The following ADAM20 variants were observed in gnomAD, a reference collection of about 807,000 sequenced individuals.
ADAM20 encodes the protein disintegrin and metalloproteinase domain-containing protein 20.
For synonymous variants in ADAM20, 305 were observed against 310.2 expected (o/e 0.98, Z 0.18); for missense variants, 871 against 883.2 (o/e 0.99, Z 0.18).
chr14:70,547,623 C>T, the ADAM20 span, among the ~76,000 whole-genome samples: 2 of 32,582 alleles, frequency 6.1e-5, no homozygotes, highest in Non-Finnish European at 1.3e-4. Context: ...CACCACGAGA[C>T]TATATCCCAC....
chr14:70,557,132 A>C, the ADAM20 span: 1 of 151,956 alleles, frequency 6.6e-6, no homozygotes, highest in Non-Finnish European at 1.5e-5. Context: ...CATATAAACA[A>C]TTTCCAAGGT....
chr14:70,525,517 G>T (rs1052696786), intron 1 of ADAM20, among the ~76,000 whole-genome samples: 1 of 152,000 alleles, frequency 6.6e-6, no homozygotes, highest in Non-Finnish European at 1.5e-5. Flanking sequence ...CTGTCATACC[G>T]AGCAAAATTG....
At chr14:70,578,735 T>G in the ADAM20 span, among the ~76,000 whole-genome samples, 1 of 152,106 alleles carries the variant, frequency 6.6e-6, no homozygotes, top group East Asian at 1.9e-4. Context: ...ACATGGGGGT[T>G]TGATACAAGG....
the ADAM20 span, among the ~76,000 whole-genome samples, chr14:70,579,091 G>A: frequency 6.6e-6 from 1 of 152,106 alleles, no homozygotes; most frequent in Non-Finnish European, 1.5e-5. Context: ...CACTCTTGAT[G>A]GGCACCTTGA....
At chr14:70,544,375 T>C in the ADAM20 span, among the ~76,000 whole-genome samples, 1 of 152,180 alleles carries the variant, frequency 6.6e-6, no homozygotes, top group Admixed American at 6.5e-5. Flanking sequence ...AGAACATCCT[T>C]CTAAATGACC....
chr14:70,532,444 C>T (rs1439927432), intron 1 of ADAM20, among the ~76,000 whole-genome samples: 4 of 151,992 alleles, frequency 2.6e-5, no homozygotes, highest in Admixed American at 6.6e-5. Context: ...ACCAAAAGCA[C>T]GGGCAATAAA....
At chr14:70,562,203 T>A in the ADAM20 span, among the ~76,000 whole-genome samples, 1 of 152,240 alleles carries the variant, frequency 6.6e-6, no homozygotes, top group South Asian at 2.1e-4. Flanking sequence ...TGAGACATCA[T>A]GTCAAAAGAG....
chr14:70,543,671 C>T, the ADAM20 span, among the ~76,000 whole-genome samples: 1 of 152,146 alleles, frequency 6.6e-6, no homozygotes, highest in Non-Finnish European at 1.5e-5. Flanking sequence ...GCCTACTAAA[C>T]CTTTTTCAAA....
At chr14:70,557,546 A>G in the ADAM20 span, 3 of 144,282 alleles carry the variant, frequency 2.1e-5, no homozygotes, top group African/African-American at 7.3e-5. Context: ...ACTCAAGAAA[A>G]TGTCATTAGG....
At chr14:70,567,264 C>A in the ADAM20 span, among the ~76,000 whole-genome samples, 1 of 152,180 alleles carries the variant, frequency 6.6e-6, no homozygotes, top group Non-Finnish European at 1.5e-5. Flanking sequence ...ACCACCAGAA[C>A]CCTCACAAAT....
chr14:70,569,885 CAAA>C, the ADAM20 span, among the ~76,000 whole-genome samples: 164 of 76,176 alleles, frequency 2.2e-3, no homozygotes, highest in Middle Eastern at 0.013. Flanking sequence ...AGAAAACTAA[CAAA>C]AAAAAAAAAA....
chr14:70,560,917 A>T, the ADAM20 span, among the ~76,000 whole-genome samples: 1 of 152,198 alleles, frequency 6.6e-6, no homozygotes, highest in African/African-American at 2.4e-5. Context: ...GGACTAATAC[A>T]GAAAACTGGT....
At chr14:70,529,270 T>C (rs920578875) in intron 1 of ADAM20, among the ~76,000 whole-genome samples, 3 of 152,178 alleles carry the variant, frequency 2.0e-5, no homozygotes, top group African/African-American at 7.2e-5. Context: ...TCCAGGATAG[T>C]TCACATATTA....
At chr14:70,578,760 G>C in the ADAM20 span, among the ~76,000 whole-genome samples, 1 of 152,116 alleles carries the variant, frequency 6.6e-6, no homozygotes, top group African/African-American at 2.4e-5. Flanking sequence ...ATTGTGTGAT[G>C]CTGAGGTTTG....
In ADAM20 at chr14:70,523,935, C is replaced by G; in HGVS notation, c.823G>C (p.Val275Leu). ...TTCCAAATAGAAAAGTCCTCTAAAACATTATCTAGGTCTCCACTGGTAGGA... is the reference window on the plus strand; with the variant it reads ...TTCCAAATAGAAAAGTCCTCTAAAAGATTATCTAGGTCTCCACTGGTAGGA... ...PLPTSGDLDNVLEDFSIWKNY... is the reference protein window; with the variant it reads ...PLPTSGDLDNLLEDFSIWKNY... The change falls in exon 2 of 2, where the codon GTT (valine) becomes CTT (leucine). Residue 275 changes from valine (V) to leucine (L), a missense_variant. Physicochemically the swap from Val to Leu is conservative, Grantham distance 32. Coordinates refer to ENST00000256389, the MANE Select transcript of ADAM20 (RefSeq NM_003814.5). 1 of 1,614,006 alleles carries G rather than the reference C, an allele frequency of 6.2e-7. No individual in the cohort carries two copies. The highest frequency in any genetic ancestry group is 8.5e-7 in the Non-Finnish European group (1 of 1,179,950).
At chr14:70,553,525 T>TAA in the ADAM20 span, among the ~76,000 whole-genome samples, 4,380 of 56,772 alleles carry the variant, frequency 0.077, 164 homozygotes, top group Middle Eastern at 0.14. Context: ...GCAAAAATCC[T>TAA]AAAAAAAAAA....
chr14:70,529,850 T>A (rs1023548733), intron 1 of ADAM20, among the ~76,000 whole-genome samples: 3 of 152,226 alleles, frequency 2.0e-5, no homozygotes, highest in Non-Finnish European at 4.4e-5. Context: ...CATTTATTTT[T>A]AAAAATTTCT....
the ADAM20 span, among the ~76,000 whole-genome samples, chr14:70,578,009 G>A: frequency 2.0e-5 from 3 of 152,090 alleles, no homozygotes; most frequent in Non-Finnish European, 4.4e-5. Context: ...ACAGGTAATA[G>A]AAGAAATAAT....
the ADAM20 span, among the ~76,000 whole-genome samples, chr14:70,543,318 T>C: frequency 6.6e-6 from 1 of 152,226 alleles, no homozygotes; most frequent in Non-Finnish European, 1.5e-5. Flanking sequence ...GACTATATAC[T>C]GTAGCACCCT....
Sources: allele counts gnomAD v4.1 joint callset (sites outside exome capture counted in the v4.1 genomes callset), GRCh38; gene constraint gnomAD v4.1.1; transcripts MANE v1.5; gene names NCBI Gene and HGNC (gene_info 2026-07-23, HGNC 2026-07-21).